The following EYS variants were observed in gnomAD, a reference collection of about 807,000 sequenced individuals.
The protein encoded by EYS is EGF-like photoreceptor maintenance factor, also known as protein eyes shut homolog.
A neutral mutation model predicts 282.1 loss-of-function variants in EYS; 250 were observed. The observed-to-expected ratio is 0.89, with a 90% CI of 0.80 to 0.98. The LOEUF is 0.98. Ranked by LOEUF, EYS falls within the 50% of genes least tolerant of loss-of-function variation. The pLI is 0.00. For synonymous variants in EYS, 1,355 were observed against 1,282.9 expected, an observed-to-expected ratio of 1.06 and a Z score of -1.20; for missense variants, 4,016 against 3,709.0, an observed-to-expected ratio of 1.08 and a Z score of -2.15.
At chr6:63,799,731 G>A (rs1216918765) in intron 37 of EYS, among the ~76,000 whole-genome samples, 1 of 152,208 alleles carries the variant, frequency 6.6e-6, no homozygotes, top group Non-Finnish European at 1.5e-5. Flanking sequence ...AGCAGTGATT[G>A]TAAATGACAA....
At chr6:64,533,749 T>C (rs1279426366) in intron 26 of EYS, among the ~76,000 whole-genome samples, 1 of 151,888 alleles carries the variant, frequency 6.6e-6, no homozygotes, top group Non-Finnish European at 1.5e-5. Context: ...CAGAAAAAAC[T>C]AAGAACCCAA....
At chr6:64,689,169 C>T (rs1770274800) in intron 22 of EYS, among the ~76,000 whole-genome samples, 1 of 152,156 alleles carries the variant, frequency 6.6e-6, no homozygotes, top group Admixed American at 6.5e-5. Flanking sequence ...CATTCCTATA[C>T]ACTAATAACA....
intron 29 of EYS, among the ~76,000 whole-genome samples, chr6:64,309,665 A>T (rs1193040095): frequency 6.6e-6 from 1 of 152,078 alleles, no homozygotes; most frequent in African/African-American, 2.4e-5. Context: ...GCCAAAAATC[A>T]TGTAAAAAAA....
At chr6:64,609,220 G>C (rs1474895669) in intron 24 of EYS, among the ~76,000 whole-genome samples, 1 of 152,060 alleles carries the variant, frequency 6.6e-6, no homozygotes, top group Non-Finnish European at 1.5e-5. Flanking sequence ...CCAGAAAATA[G>C]TTTAAGAAAA....
At chr6:64,174,817 T>C (rs978217773) in intron 31 of EYS, among the ~76,000 whole-genome samples, 1 of 152,048 alleles carries the variant, frequency 6.6e-6, no homozygotes, top group Non-Finnish European at 1.5e-5. Context: ...CTTGATCATA[T>C]TTGTTTAGAT....
At chr6:65,631,886 A>G (rs1250355554) in intron 2 of EYS, among the ~76,000 whole-genome samples, 1 of 152,206 alleles carries the variant, frequency 6.6e-6, no homozygotes, top group African/African-American at 2.4e-5. Context: ...AAGAAAGGTT[A>G]TAATTCAGTT....
intron 1 of EYS, among the ~76,000 whole-genome samples, chr6:65,703,646 T>C (rs368028060): frequency 6.6e-6 from 1 of 151,818 alleles, no homozygotes; most frequent in Non-Finnish European, 1.5e-5. Flanking sequence ...ATATTTACAT[T>C]GAAGTTACAA....
intron 30 of EYS, among the ~76,000 whole-genome samples, chr6:64,232,084 A>G (rs753618138): frequency 5.9e-5 from 9 of 152,158 alleles, no homozygotes; most frequent in Non-Finnish European, 1.0e-4. Context: ...AGAAGATGAA[A>G]TAGATAATTT....
At chr6:64,732,247 C>T (rs1771999541) in intron 22 of EYS, among the ~76,000 whole-genome samples, 1 of 142,872 alleles carries the variant, frequency 7.0e-6, no homozygotes, top group East Asian at 2.5e-4. Context: ...CACCGTGGCA[C>T]GTGTATACCT....
At chr6:64,744,773 T>A (rs901164706) in intron 22 of EYS, among the ~76,000 whole-genome samples, 2 of 152,104 alleles carry the variant, frequency 1.3e-5, no homozygotes, top group African/African-American at 4.8e-5. Context: ...TACATTTATT[T>A]TAAATTTAAA....
At chr6:65,336,729 G>T (rs771462347) in intron 10 of EYS, among the ~76,000 whole-genome samples, 1 of 150,606 alleles carries the variant, frequency 6.6e-6, no homozygotes, top group Non-Finnish European at 1.5e-5. Context: ...ACACATGTTT[G>T]TTTAATATTT....
chr6:64,279,686 G>A (rs776899575), intron 30 of EYS, among the ~76,000 whole-genome samples: 7 of 152,120 alleles, frequency 4.6e-5, no homozygotes, highest in South Asian at 2.1e-4. Context: ...GAATACTAAC[G>A]AGAAGTATTT....
At chr6:64,356,631 G>A (rs959891814) in intron 29 of EYS, among the ~76,000 whole-genome samples, 1 of 151,350 alleles carries the variant, frequency 6.6e-6, no homozygotes, top group Non-Finnish European at 1.5e-5. Context: ...ACATCTTTAC[G>A]CATTGGAAGA....
intron 15 of EYS, among the ~76,000 whole-genome samples, chr6:64,924,850 T>C (rs1280147324): frequency 6.6e-6 from 1 of 152,170 alleles, no homozygotes; most frequent in Non-Finnish European, 1.5e-5. Context: ...TATCAGCATT[T>C]GGGGCAAAGC....
At chr6:64,965,821 A>G (rs1770076347) in intron 14 of EYS, among the ~76,000 whole-genome samples, 1 of 152,136 alleles carries the variant, frequency 6.6e-6, no homozygotes, top group African/African-American at 2.4e-5. Context: ...AACAGAATAT[A>G]TTTTATATAT....
At chr6:64,208,572 A>C (rs1367272300) in intron 31 of EYS, among the ~76,000 whole-genome samples, 1 of 152,168 alleles carries the variant, frequency 6.6e-6, no homozygotes, top group Non-Finnish European at 1.5e-5. Flanking sequence ...TAGAACCTAG[A>C]TTACCTGAGG....
chr6:64,485,443 G>A (rs1003474681), intron 26 of EYS, among the ~76,000 whole-genome samples: 21 of 151,518 alleles, frequency 1.4e-4, no homozygotes, highest in African/African-American at 5.1e-4. Flanking sequence ...ACAGTGGACT[G>A]ACTATGTATT....
At chr6:65,437,963 C>T (rs748428959) in intron 5 of EYS, among the ~76,000 whole-genome samples, 6 of 151,486 alleles carry the variant, frequency 4.0e-5, no homozygotes, top group Non-Finnish European at 8.8e-5. Context: ...CCCATTAACT[C>T]ATCATTTACA....
intron 24 of EYS, among the ~76,000 whole-genome samples, chr6:64,606,917 G>C (rs570635208): frequency 3.3e-5 from 5 of 152,014 alleles, no homozygotes; most frequent in Admixed American, 3.3e-4. Flanking sequence ...TGTGTTGTAC[G>C]TCAGTATCCC....
Sources: allele counts gnomAD v4.1 joint callset (sites outside exome capture counted in the v4.1 genomes callset), GRCh38; gene constraint gnomAD v4.1.1; transcripts MANE v1.5; gene names NCBI Gene and HGNC (gene_info 2026-07-23, HGNC 2026-07-21).